VPS35L: variants seen among roughly 807,000 people sequenced by gnomAD.
VPS35L encodes VPS35 endosomal protein-sorting factor-like.
A neutral mutation model predicts 133.0 loss-of-function variants in VPS35L; 83 were observed. That is an observed-to-expected ratio of 0.62 (90% confidence interval 0.52 to 0.75). VPS35L has a LOEUF of 0.75. Ranked by LOEUF, VPS35L falls within the 30% of genes least tolerant of loss-of-function variation. The pLI is 0.00. For missense variants in VPS35L, 1,083 were observed against 1,206.8 expected (o/e 0.90, Z 1.52); for synonymous variants, 423 against 449.9 (o/e 0.94, Z 0.76).
chr16:19,662,055 T>C (rs1267085205), intron 26 of VPS35L, among the ~76,000 whole-genome samples: 2 of 151,884 alleles, frequency 1.3e-5, no homozygotes, highest in Non-Finnish European at 2.9e-5. Context: ...ACTTAAAAAA[T>C]CAGCAGGCAT....
At chr16:19,698,611 G>A (rs1002860467) in intron 29 of VPS35L, among the ~76,000 whole-genome samples, 3 of 152,134 alleles carry the variant, frequency 2.0e-5, no homozygotes, top group Admixed American at 6.5e-5. Context: ...GTTAAATCAC[G>A]CGAGTTGTAT....
intron 30 of VPS35L, 88 bp from the exon 31 acceptor site, chr16:19,700,290 T>C (rs1976076854): frequency 4.3e-6 from 5 of 1,172,962 alleles, no homozygotes; most frequent in South Asian, 1.4e-5. Flanking sequence ...CTAAGAAATC[T>C]AAGCTCACAT....
intron 27 of VPS35L, among the ~76,000 whole-genome samples, chr16:19,671,893 A>G (rs1176562348): frequency 6.6e-6 from 1 of 152,248 alleles, no homozygotes; most frequent in East Asian, 1.9e-4. Flanking sequence ...TGGGAATCTC[A>G]GACTCTTGTT....
rs368225434 is a variant in VPS35L at position 19,564,181 on chromosome 16, G to T, written c.18-670G>T. Among the ~76,000 whole-genome samples, 5 of 151,976 alleles carry T rather than the reference G, an allele frequency of 3.3e-5. No homozygotes were observed. In the South Asian group the frequency reaches 8.3e-4, roughly 25 times the overall value. On this transcript the variant is annotated intron_variant, in intron 1 of 30. Coordinates refer to ENST00000417362, the MANE Select transcript of VPS35L (RefSeq NM_020314.7). ...GCAACCTCCGCCTCCTGGTTGAAGC[G>T]ATTCTCCTGCCTCAGCCTCCCAAGT... is the stretch of plus-strand genomic sequence containing the variant.
chr16:19,562,858 G>A (rs1029160386), intron 1 of VPS35L, among the ~76,000 whole-genome samples: 4 of 151,770 alleles, frequency 2.6e-5, no homozygotes, highest in African/African-American at 7.3e-5. Flanking sequence ...GGATTCAAGC[G>A]ATCCTCCCAC....
At chr16:19,614,923 T>A (rs959878149) in intron 12 of VPS35L, among the ~76,000 whole-genome samples, 8 of 152,238 alleles carry the variant, frequency 5.3e-5, no homozygotes, top group African/African-American at 1.9e-4. Flanking sequence ...TTTTTAACAA[T>A]GAAGTCAGGA....
At chr16:19,687,231 C>A (rs886462149) in intron 28 of VPS35L, among the ~76,000 whole-genome samples, 1 of 152,184 alleles carries the variant, frequency 6.6e-6, no homozygotes, top group African/African-American at 2.4e-5. Flanking sequence ...TGGACCTTCC[C>A]TCTTCTCCAT....
Position 19,616,719 on chromosome 16 carries a change from G to A in VPS35L, c.1135G>A (p.Val379Ile). The A allele has an allele frequency of 1.2e-6, 2 of 1,614,050 alleles. No homozygotes were observed. Among genetic ancestry groups the A allele is most frequent in the South Asian group, 1.1e-5 (1 of 91,074 alleles). ...GGATACGGTCCAGAACCAGCTGGTG[G>A]TCCAAGGAGTGGAGCTCCCATCTTA... is the stretch of plus-strand genomic sequence containing the variant. ...HGDTVQNQLV[V>I]QGVELPSYLP... is the part of the protein sequence containing the mutation. The change falls in exon 14 of 31, where the codon GTC becomes ATC. Residue 379 changes from valine (V) to isoleucine (I), a missense_variant. Val to Ile is a conservative substitution (Grantham distance 29). Coordinates refer to ENST00000417362, the MANE Select transcript of VPS35L (RefSeq NM_020314.7).
intron 1 of VPS35L, among the ~76,000 whole-genome samples, chr16:19,557,080 C>T (rs539807831): frequency 1.6e-4 from 25 of 152,116 alleles, no homozygotes; most frequent in Admixed American, 6.6e-5. Context: ...TGGAGTGAAC[C>T]GAGATCATGC....
rs1972439933 is a variant in VPS35L at position 19,603,188 on chromosome 16, TGTTTCA to T, written c.784+1466_784+1471del. Among the ~76,000 whole-genome samples, 3 of 152,294 alleles carry T rather than the reference TGTTTCA, an allele frequency of 2.0e-5. No homozygotes were observed. In the South Asian group the frequency reaches 6.2e-4, roughly 32 times the overall value. ...CTTGAAGTGCTTTTAGGACCCATCT[TGTTTCA>T]TCAGAGATGGGCAGACCCAGTACGG... On this transcript the variant is annotated intron_variant, in intron 9 of 30. Coordinates refer to ENST00000417362, the MANE Select transcript of VPS35L (RefSeq NM_020314.7).
intron 3 of VPS35L, among the ~76,000 whole-genome samples, chr16:19,570,315 A>C (rs959943757): frequency 6.6e-6 from 1 of 152,170 alleles, no homozygotes; most frequent in Admixed American, 6.6e-5. Context: ...CACCTGCCTC[A>C]ACCTCCCAAA....
At chr16:19,697,340 C>T (rs939471789) in intron 29 of VPS35L, among the ~76,000 whole-genome samples, 1 of 152,030 alleles carries the variant, frequency 6.6e-6, no homozygotes, top group Non-Finnish European at 1.5e-5. Context: ...TGAAGCTGTT[C>T]CTTGACTTTT....
intron 26 of VPS35L, among the ~76,000 whole-genome samples, chr16:19,661,714 T>C (rs1974491461): frequency 6.6e-6 from 1 of 152,202 alleles, no homozygotes; most frequent in Non-Finnish European, 1.5e-5. Context: ...ACAGCATCCC[T>C]GGTTGGTCCC....
intron 4 of VPS35L, 96 bp downstream of exon 4, chr16:19,573,337 C>CTTAT: frequency 7.5e-7 from 1 of 1,329,484 alleles, no homozygotes; most frequent in Non-Finnish European, 1.0e-6. Context: ...GTAAGTTTCA[C>CTTAT]TTATTTATTT....
At position 19,629,810 on chromosome 16, in the gene VPS35L, A is replaced by G. The variant is rs1597376679; in HGVS notation, c.1544A>G (p.Lys515Arg). 1.2e-6 allele frequency: 2 copies of G among 1,613,774 alleles called. No homozygotes were observed. The highest frequency in any genetic ancestry group is 8.5e-7 in the Non-Finnish European group (1 of 1,179,674). Residue 515 changes from lysine to arginine, a missense_variant, in exon 18 of 31, where the codon AAG (lysine) becomes AGG (arginine). By Grantham distance (26) the Lys-to-Arg change is conservative. Transcript: ENST00000417362. Reference protein sequence around the residue: ...CAEVWVEYTCKHFTKREVNTV... With the variant: ...CAEVWVEYTCRHFTKREVNTV... The stretch of plus-strand genomic sequence containing the variant: ...GAAGTGTGGGTGGAATACACCTGCA[A>G]GCATTTCACGGTATGTGTGACTGTG...
chr16:19,573,725 A>AT (rs1382580323), intron 4 of VPS35L, among the ~76,000 whole-genome samples: 2 of 152,150 alleles, frequency 1.3e-5, no homozygotes, highest in African/African-American at 4.8e-5. Flanking sequence ...AGGCATGAGA[A>AT]TTGCTTGAAC....
In VPS35L at chr16:19,699,698, A is replaced by G. The variant is rs1239899875; in HGVS notation, c.2793+50A>G. On this transcript the variant is annotated intron_variant, in intron 30 of 30. Coordinates refer to ENST00000417362, the MANE Select transcript of VPS35L (RefSeq NM_020314.7). The surrounding 1 kb of genome is among the most constrained non-coding windows in gnomAD (Gnocchi z 4.2). ...GTATAAGCCCACTGGCCAGTGCACA[A>G]CCACCCTCAACACAGCATTGTGGCC... 7.5e-6 allele frequency: 12 copies of G among 1,602,606 alleles called. No individual in the cohort carries two copies. The East Asian group carries it at 2.2e-4, about 30-fold the overall frequency.
chr16:19,608,032 A>G (rs572338493), intron 9 of VPS35L, 146 bp from the exon 10 acceptor site: 3 of 635,148 alleles, frequency 4.7e-6, no homozygotes, highest in African/African-American at 3.7e-5. Flanking sequence ...TGTTATCATC[A>G]GTTACTTCCT....
intron 1 of VPS35L, among the ~76,000 whole-genome samples, chr16:19,560,676 A>G (rs1373213929): frequency 6.6e-6 from 1 of 152,076 alleles, no homozygotes; most frequent in Non-Finnish European, 1.5e-5. Context: ...CACACCTGTA[A>G]TCCCAGTCAC....
Sources: allele counts gnomAD v4.1 joint callset (sites outside exome capture counted in the v4.1 genomes callset), GRCh38; gene constraint gnomAD v4.1.1; non-coding constraint Gnocchi (gnomAD v3.1); transcripts MANE v1.5; gene names NCBI Gene and HGNC (gene_info 2026-07-23, HGNC 2026-07-21).